The following ARPIN variants were observed in gnomAD, a reference collection of about 807,000 sequenced individuals.
The protein encoded by ARPIN is actin related protein 2/3 complex inhibitor.
ARPIN carries 23 observed loss-of-function variants against 25.9 expected under a neutral mutation model. The ratio of observed to expected loss-of-function variants is 0.89; its 90% CI spans 0.64 to 1.26. The LOEUF is 1.26. ARPIN is among the 50% of genes most tolerant of loss of function. The pLI is 0.00. For synonymous variants in ARPIN, 126 were observed against 131.4 expected (o/e 0.96, Z 0.28); for missense variants, 333 against 312.2 (o/e 1.07, Z -0.50).
At chr15:89,912,663 T>TGCCCCCC in intron 1 of ARPIN, 81 bp downstream of exon 1, 1 of 871,112 alleles carries the variant, frequency 1.1e-6, no homozygotes, top group East Asian at 1.0e-4. Context: ...CCCACCCGCA[T>TGCCCCCC]CCCACCCCCC....
Position 89,901,655 on chromosome 15 carries a change from G to T in ARPIN, c.*140C>A. Reference sequence around the variant, plus strand: ...TTGGTTTTAGCAGAGCTTGTTCAAAGAGTATTCCAAGGTGGCTATGGGGAA... The same window carrying T: ...TTGGTTTTAGCAGAGCTTGTTCAAATAGTATTCCAAGGTGGCTATGGGGAA... On this transcript the variant is annotated 3_prime_UTR_variant, in exon 6 of 6. Coordinates refer to ENST00000357484, the MANE Select transcript of ARPIN (RefSeq NM_182616.4). 3 of 1,013,902 alleles carry T rather than the reference G, an allele frequency of 3.0e-6. No homozygotes were observed. The highest frequency in any genetic ancestry group is 3.0e-6 in the Non-Finnish European group (2 of 671,346). The allele number at this position is 1,013,902 out of a possible 1,614,324, so 62.8% of individuals were successfully genotyped here.
chr15:89,909,180 T>C (rs1375866619), intron 2 of ARPIN, among the ~76,000 whole-genome samples: 1 of 152,094 alleles, frequency 6.6e-6, no homozygotes, highest in East Asian at 1.9e-4. Flanking sequence ...TAACGTGATG[T>C]CTGTGTTTAA....
In ARPIN at chr15:89,896,285, G is replaced by T. The variant is rs1162094164; in HGVS notation, c.*5510C>A. On this transcript the variant is annotated 3_prime_UTR_variant, in exon 6 of 6. Transcript: ENST00000357484. ...GAGGAAGAATATCAAAGAAAATTCT[G>T]AAACAGAATTATGAAGAAGAACTAG... is the stretch of plus-strand genomic sequence containing the variant. The T allele has an allele frequency of 6.6e-6, 1 of 152,204 alleles. No homozygotes were observed. Among genetic ancestry groups the T allele is most frequent in the Non-Finnish European group, 1.5e-5 (1 of 68,042 alleles). 9.4% of individuals were successfully genotyped at this position (152,204 alleles called of 1,614,324 possible).
chr15:89,907,733 T>C (rs576236545), intron 3 of ARPIN, among the ~76,000 whole-genome samples: 9 of 152,286 alleles, frequency 5.9e-5, no homozygotes, highest in Admixed American at 5.2e-4. Context: ...AAGACTATAG[T>C]GTGCTATGAT....
chr15:89,903,904 C>G lies in ARPIN; in HGVS notation c.381G>C (p.Ala127=). ...KGLVNKPELL[A]LTESLTPDHT... is the part of the protein sequence containing the mutation. ...GGTCGGGGGTGAGGCTCTCTGTCAG[C>G]GCGAGCAGCTCTGGCTTGTTGACCA... Residue 127 remains alanine (A), a synonymous_variant, in exon 4 of 6, where the codon GCG becomes GCC. Transcript: ENST00000357484. 1 of 1,613,666 alleles carries G rather than the reference C, an allele frequency of 6.2e-7. No individual in the cohort carries two copies. Among genetic ancestry groups the G allele is most frequent in the Non-Finnish European group, 8.5e-7 (1 of 1,180,042 alleles).
intron 1 of ARPIN, chr15:89,911,994 T>C (rs1897232270): frequency 6.0e-6 from 1 of 167,802 alleles, no homozygotes; most frequent in Admixed American, 6.5e-5. Flanking sequence ...GCCCGACTAA[T>C]TTTTGTATTT....
Position 89,901,514 on chromosome 15 carries a change from TA to T in ARPIN, c.*280del, listed in dbSNP as rs749246086. On this transcript the variant is annotated 3_prime_UTR_variant, in exon 6 of 6. Transcript: ENST00000357484. ...GGCAACATAGTGAGACCTCCATCTC[TA>T]ATTTTTTTTTAAAGGGTCATCATGT... 2 of 476,674 alleles carry T rather than the reference TA, an allele frequency of 4.2e-6. No individual in the cohort carries two copies. Among genetic ancestry groups the T allele is most frequent in the Non-Finnish European group, 7.5e-6 (2 of 265,790 alleles). 29.5% of individuals were successfully genotyped at this position (476,674 alleles called of 1,614,324 possible). A position where few individuals can be genotyped will look rare whatever the true frequency, so the allele number is the denominator to read the frequency against.
chr15:89,912,663 T>TGGGGGGCCCCC, intron 1 of ARPIN, 81 bp downstream of exon 1: 3 of 871,096 alleles, frequency 3.4e-6, no homozygotes, highest in Non-Finnish European at 4.2e-6. Context: ...CCCACCCGCA[T>TGGGGGGCCCCC]CCCACCCCCC....
Position 89,912,841 on chromosome 15 carries a change from C to G in ARPIN, c.-6G>C. ...TCGTGGTAGATGCGGCTCATTCTCC[C>G]GACCGCCCGGGCACCCCGGCACAGA... On this transcript the variant is annotated 5_prime_UTR_variant, in exon 1 of 6. Transcript: ENST00000357484. 4 of 1,518,926 alleles carry G rather than the reference C, an allele frequency of 2.6e-6. No homozygotes were observed. Among genetic ancestry groups the G allele is most frequent in the Non-Finnish European group, 3.5e-6 (4 of 1,137,082 alleles). 94.1% of individuals were successfully genotyped at this position (1,518,926 alleles called of 1,614,324 possible).
chr15:89,902,955 G>A, intron 5 of ARPIN: 1 of 1,409,120 alleles, frequency 7.1e-7, no homozygotes, highest in South Asian at 1.5e-5. Context: ...ATATCCCTCT[G>A]CACCCCCTCC....
intron 3 of ARPIN, 142 bp downstream of exon 3, chr15:89,908,138 G>C: frequency 7.4e-7 from 1 of 1,359,696 alleles, no homozygotes; most frequent in Non-Finnish European, 9.8e-7. Flanking sequence ...AGGGGTGGAT[G>C]TGGAAGCCTC....
rs1476318212 is a variant in ARPIN at position 89,908,424 on chromosome 15, C to T, written c.169-12G>A. On this transcript the variant is annotated splice_polypyrimidine_tract_variant and intron_variant, in intron 2 of 5. Transcript: ENST00000357484. ...ACGTAGTAGCGCTCCTGGGGCCAGG[C>T]AGACAGAGAGTGAGGGGGCGGCTTC... 2 of 1,613,116 alleles carry T rather than the reference C, an allele frequency of 1.2e-6. No individual in the cohort carries two copies. Among genetic ancestry groups the T allele is most frequent in the East Asian group, 2.2e-5 (1 of 44,862 alleles).
Position 89,898,270 on chromosome 15 carries a change from T to C in ARPIN, c.*3525A>G, listed in dbSNP as rs1896961223. On this transcript the variant is annotated 3_prime_UTR_variant, in exon 6 of 6. Coordinates refer to ENST00000357484, the MANE Select transcript of ARPIN (RefSeq NM_182616.4). ...CTGGTGGAAGAAAAAAAAATTCAGA[T>C]GGGTAGAGGAAAGGGACCTCCCTCC... 1 of 151,676 alleles carries C rather than the reference T, an allele frequency of 6.6e-6. No homozygotes were observed. The highest frequency in any genetic ancestry group is 1.9e-4 in the East Asian group (1 of 5,180). 9.4% of individuals were successfully genotyped at this position (151,676 alleles called of 1,614,324 possible). A position where few individuals can be genotyped will look rare whatever the true frequency, so the allele number is the denominator to read the frequency against.
At chr15:89,904,451 C>G (rs1193791224) in intron 3 of ARPIN, among the ~76,000 whole-genome samples, 1 of 152,102 alleles carries the variant, frequency 6.6e-6, no homozygotes, top group Non-Finnish European at 1.5e-5. Context: ...TTCAAAGCAC[C>G]CCAACACATT....
chr15:89,903,059 T>G (rs1380708307), intron 5 of ARPIN, 157 bp downstream of exon 5: 30 of 1,520,798 alleles, frequency 2.0e-5, no homozygotes, highest in Non-Finnish European at 2.4e-5. Context: ...TTAGAGGAAT[T>G]CTCCTGATGC....
At chr15:89,909,173 C>T (rs745972475) in intron 2 of ARPIN, among the ~76,000 whole-genome samples, 9 of 152,090 alleles carry the variant, frequency 5.9e-5, no homozygotes, top group Non-Finnish European at 1.3e-4. Context: ...ATGGGGATAA[C>T]GTGATGTCTG....
rs902448741 is a variant in ARPIN, at chr15:89,895,136, T to A, written c.*6659A>T. The A allele has an allele frequency of 6.6e-6, 1 of 152,044 alleles. No individual in the cohort carries two copies. The highest frequency in any genetic ancestry group is 2.4e-5 in the African/African-American group (1 of 41,390). 9.4% of individuals were successfully genotyped at this position (152,044 alleles called of 1,614,324 possible). On this transcript the variant is annotated 3_prime_UTR_variant, in exon 6 of 6. Coordinates refer to ENST00000357484, the MANE Select transcript of ARPIN (RefSeq NM_182616.4). ...AAGAAAAAAATATATATCTCAGCAG[T>A]GTTATTACAGGGGAAAATGGGAAGA... is the stretch of plus-strand genomic sequence containing the variant.
At chr15:89,912,606 G>A in intron 1 of ARPIN, 138 bp downstream of exon 1, 1 of 1,350,848 alleles carries the variant, frequency 7.4e-7, no homozygotes, top group Non-Finnish European at 9.4e-7. Context: ...GCGGACTGGA[G>A]GGGCGGACTG....
chr15:89,908,622 T>C (rs1433482204), intron 2 of ARPIN, among the ~76,000 whole-genome samples: 1 of 152,076 alleles, frequency 6.6e-6, no homozygotes, highest in African/African-American at 2.4e-5. Context: ...TAATGAGCCC[T>C]GCTAGAAGTT....
Sources: allele counts gnomAD v4.1 joint callset (sites outside exome capture counted in the v4.1 genomes callset), GRCh38; gene constraint gnomAD v4.1.1; transcripts MANE v1.5; gene names NCBI Gene and HGNC (gene_info 2026-07-23, HGNC 2026-07-21).